The following TNRC18 variants were observed in gnomAD, a reference collection of about 807,000 sequenced individuals.
TNRC18 encodes the protein trinucleotide repeat containing 18.
In TNRC18, 69 loss-of-function variants were observed where a neutral mutation model predicts 226.7. The observed-to-expected ratio is 0.30, with a 90% confidence interval of 0.25 to 0.37. The LOEUF is 0.37. TNRC18 is among the 10% of genes least tolerant of loss of function. The pLI, the probability that TNRC18 is intolerant of heterozygous loss-of-function variation, is 1.00. For missense variants in TNRC18, 4,754 were observed against 4,256.6 expected (o/e 1.12, Z -3.25); for synonymous variants, 2,449 against 1,927.6 (o/e 1.27, Z -7.09).
chr7:5,418,270 G>A (rs962763348), intron 2 of TNRC18, among the ~76,000 whole-genome samples: 2 of 152,162 alleles, frequency 1.3e-5, no homozygotes, highest in African/African-American at 4.8e-5. Context: ...AATGTAGCAA[G>A]GCTCAAGGTA....
At chr7:5,407,251 G>A (rs866535941) in intron 2 of TNRC18, 6 of 152,396 alleles carry the variant, frequency 3.9e-5, no homozygotes, top group Admixed American at 3.9e-4. Flanking sequence ...GAGAGTCCGA[G>A]GCTGCAGTCT....
chr7:5,403,582 G>T (rs111616784), intron 2 of TNRC18, among the ~76,000 whole-genome samples: 1 of 151,982 alleles, frequency 6.6e-6, no homozygotes, highest in Admixed American at 6.6e-5. Flanking sequence ...TTTGAGGCCA[G>T]GAGTTCAAGA....
intron 17 of TNRC18, among the ~76,000 whole-genome samples, chr7:5,350,079 A>T (rs1359275875): frequency 6.7e-6 from 1 of 150,110 alleles, no homozygotes; most frequent in African/African-American, 2.5e-5. Flanking sequence ...GGAAGCGGAA[A>T]CCGCGGCTTT....
intron 17 of TNRC18, among the ~76,000 whole-genome samples, chr7:5,351,255 T>C (rs1285590251): frequency 1.3e-5 from 2 of 151,382 alleles, no homozygotes; most frequent in African/African-American, 2.4e-5. Flanking sequence ...TAATGTCTAG[T>C]AAGGACACAG....
chr7:5,378,101 C>T, intron 5 of TNRC18, 77 bp from the exon 6 acceptor site: 1 of 1,246,492 alleles, frequency 8.0e-7, no homozygotes. Context: ...ACTGCCCTCA[C>T]CCCTCCCTGG....
At position 5,388,211 on chromosome 7, in the gene TNRC18, T is replaced by C; in HGVS notation, c.1613A>G (p.Glu538Gly). The C allele has an allele frequency of 6.3e-7, 1 of 1,599,288 alleles. No homozygotes were observed. The highest frequency in any genetic ancestry group is 8.5e-7 in the Non-Finnish European group (1 of 1,174,184). ...GGAGGAGGCAGCGACCACGGCGGCC[T>C]CCTCTTCGGCGCGGCTGTGGTGGTG... is the stretch of plus-strand genomic sequence containing the variant. ...AQHHHSRAEE[E>G]AAVVAASSSK... Residue 538 changes from glutamate to glycine, a missense_variant, in exon 5 of 30, where the codon GAG becomes GGG. By Grantham distance (98) the Glu-to-Gly change is moderately conservative. Coordinates refer to ENST00000430969, the MANE Select transcript of TNRC18 (RefSeq NM_001080495.3).
chr7:5,309,073 C>T lies in TNRC18; in HGVS notation c.8625+59G>A, dbSNP rs2128099635. 6.6e-7 allele frequency: 1 copy of T among 1,521,932 alleles called. No homozygotes were observed. The allele number at this position is 1,521,932 out of a possible 1,614,324, so 94.3% of individuals were successfully genotyped here. On this transcript the variant is annotated intron_variant, in intron 28 of 29. Coordinates refer to ENST00000430969, the MANE Select transcript of TNRC18 (RefSeq NM_001080495.3). This position sits in a 1 kb window ranked among gnomAD's most constrained non-coding sequence, Gnocchi z 5.7. Reference sequence around the variant, plus strand: ...ATGCTCCAGCACCCAGAACGCCTCGCCCTCAGGTCTGCCCTACACCGCCTA... The same window carrying T: ...ATGCTCCAGCACCCAGAACGCCTCGTCCTCAGGTCTGCCCTACACCGCCTA...
At chr7:5,331,785 C>T (rs1180264749) in intron 19 of TNRC18, among the ~76,000 whole-genome samples, 1 of 152,126 alleles carries the variant, frequency 6.6e-6, no homozygotes, top group Non-Finnish European at 1.5e-5. Context: ...TGGTATGCAC[C>T]TGTAGTCCCA....
rs761653765 is a variant in TNRC18 at position 5,332,612 on chromosome 7, C to G, written c.6147+10G>C. ...CCTTCTGCGGCACCCCCTCCCAGCG[C>G]GGCCCCTACCTTCCTGGGGTCCTTC... is the stretch of plus-strand genomic sequence containing the variant. On this transcript the variant is annotated intron_variant, in intron 19 of 29. Transcript: ENST00000430969. The G allele has an allele frequency of 6.6e-7, 1 of 1,518,992 alleles. No individual in the cohort carries two copies. The highest frequency in any genetic ancestry group is 8.8e-7 in the Non-Finnish European group (1 of 1,135,550). 94.1% of individuals were successfully genotyped at this position (1,518,992 alleles called of 1,614,324 possible).
chr7:5,342,319 C>G (rs1247170558), intron 18 of TNRC18, among the ~76,000 whole-genome samples: 1 of 151,850 alleles, frequency 6.6e-6, no homozygotes. Flanking sequence ...ATTCCAGCTA[C>G]TCGGGAGGCT....
chr7:5,402,029 A>G (rs950022990), intron 2 of TNRC18, among the ~76,000 whole-genome samples: 6 of 151,894 alleles, frequency 4.0e-5, no homozygotes, highest in Admixed American at 6.6e-5. Context: ...AAAAGAAAAA[A>G]TTAGCTGGGC....
chr7:5,418,960 G>A (rs1782364691), intron 2 of TNRC18, among the ~76,000 whole-genome samples: 1 of 152,172 alleles, frequency 6.6e-6, no homozygotes, highest in African/African-American at 2.4e-5. Flanking sequence ...AACCAGCACC[G>A]GCCCCCACCT....
intron 5 of TNRC18, among the ~76,000 whole-genome samples, chr7:5,385,057 A>T (rs1383184251): frequency 6.6e-6 from 1 of 152,228 alleles, no homozygotes; most frequent in Non-Finnish European, 1.5e-5. Flanking sequence ...GCCCGGTCCA[A>T]GGTGGCTCCA....
At position 5,361,630 on chromosome 7, in the gene TNRC18, G is replaced by T; in HGVS notation, c.4625C>A (p.Pro1542His). Reference protein sequence around the residue: ...RTHAPSALSPPRKRGKSGHSS... With the variant: ...RTHAPSALSPHRKRGKSGHSS... The stretch of plus-strand genomic sequence containing the variant: ...GTGGCCGCTCTTCCCTCTCTTGCGG[G>T]GGGGCGACAGGGCGCTCGGGGCGTG... Residue 1542 changes from proline (P) to histidine (H), a missense_variant, in exon 14 of 30, where the codon CCC (proline) becomes CAC (histidine). Transcript: ENST00000430969. 1.3e-6 allele frequency: 2 copies of T among 1,547,490 alleles called. No homozygotes were observed. Among genetic ancestry groups the T allele is most frequent in the Non-Finnish European group, 1.7e-6 (2 of 1,147,750 alleles).
At chr7:5,362,519 G>C in intron 12 of TNRC18, 131 bp downstream of exon 12, 1 of 835,530 alleles carries the variant, frequency 1.2e-6, no homozygotes, top group Non-Finnish European at 1.8e-6. Context: ...ATCAGCACAA[G>C]GAGCTGAACG....
chr7:5,310,176 T>C (rs1371791212), intron 27 of TNRC18, among the ~76,000 whole-genome samples: 1 of 152,180 alleles, frequency 6.6e-6, no homozygotes, highest in East Asian at 1.9e-4. Flanking sequence ...GAGCTGGGAT[T>C]ACAGGCGTGA....
intron 2 of TNRC18, among the ~76,000 whole-genome samples, chr7:5,409,612 G>A (rs563354890): frequency 5.1e-4 from 78 of 151,598 alleles, no homozygotes; most frequent in African/African-American, 1.8e-3. Flanking sequence ...TAATTAAATC[G>A]AAAGGTTAGA....
chr7:5,420,629 C>T (rs909719932), intron 2 of TNRC18: 6 of 460,330 alleles, frequency 1.3e-5, no homozygotes, highest in African/African-American at 1.0e-4. Flanking sequence ...GGGAACAGAA[C>T]CCAGGAGGGC....
At chr7:5,420,602 G>T in intron 2 of TNRC18, 1 of 456,040 alleles carries the variant, frequency 2.2e-6, no homozygotes, top group Non-Finnish European at 4.4e-6. Context: ...ACCCGGCTCG[G>T]CGCGAGTGGT....
Sources: gnomAD v4.1 joint callset for allele counts (sites outside exome capture counted in the v4.1 genomes callset) on GRCh38, gnomAD v4.1.1 for gene constraint, Gnocchi (gnomAD v3.1) non-coding constraint, MANE v1.5 for transcripts, NCBI Gene and HGNC (gene_info 2026-07-23, HGNC 2026-07-21) for gene names.